CAMTA1: variants seen among roughly 807,000 people sequenced by gnomAD.
CAMTA1 encodes the protein calmodulin-binding transcription activator 1.
Under a neutral mutation model 170.9 loss-of-function variants are expected in CAMTA1, and 27 were observed. That is an observed-to-expected ratio of 0.16 (90% CI 0.12 to 0.22). CAMTA1 has a LOEUF of 0.22. Among genes scored for constraint, CAMTA1 ranks in the 10% least tolerant of loss-of-function variants. CAMTA1 has a pLI of 1.00. For missense variants in CAMTA1, 1,619 were observed against 2,217.2 expected, an observed-to-expected ratio of 0.73 and a Z score of 5.42; for synonymous variants, 833 against 891.5, an observed-to-expected ratio of 0.93 and a Z score of 1.17.
At chr1:7,506,265 A>C (rs904871112) in intron 6 of CAMTA1, among the ~76,000 whole-genome samples, 1 of 152,136 alleles carries the variant, frequency 6.6e-6, no homozygotes, top group East Asian at 1.9e-4. Context: ...ACTGAGTCCC[A>C]GGTGCCCCAG....
intron 7 of CAMTA1, among the ~76,000 whole-genome samples, chr1:7,653,005 C>T (rs368318550): frequency 1.3e-5 from 2 of 152,212 alleles, no homozygotes; most frequent in African/African-American, 2.4e-5. Flanking sequence ...TTAAAGATGT[C>T]ATCTCTAGAC....
intron 6 of CAMTA1, among the ~76,000 whole-genome samples, chr1:7,639,214 C>T (rs1438631014): frequency 3.3e-5 from 5 of 152,162 alleles, no homozygotes; most frequent in Non-Finnish European, 5.9e-5. Flanking sequence ...CTTCTGACCT[C>T]GTGATCCGCC....
chr1:6,799,955 T>C (rs1435636904), intron 1 of CAMTA1, among the ~76,000 whole-genome samples: 1 of 152,218 alleles, frequency 6.6e-6, no homozygotes, highest in African/African-American at 2.4e-5. Flanking sequence ...TATAACTGTA[T>C]CTTTTCCTTT....
At chr1:7,543,022 A>G (rs2094636706) in intron 6 of CAMTA1, among the ~76,000 whole-genome samples, 1 of 151,820 alleles carries the variant, frequency 6.6e-6, no homozygotes, top group Admixed American at 6.6e-5. Flanking sequence ...CCTCCACTAC[A>G]CCCGGCTAAT....
chr1:7,608,482 AG>A (rs1327620970), intron 6 of CAMTA1, among the ~76,000 whole-genome samples: 2 of 152,200 alleles, frequency 1.3e-5, no homozygotes, highest in East Asian at 3.9e-4. Context: ...GAGACAAAAA[AG>A]GCCTGAGAAA....
chr1:6,856,210 T>C (rs1028615524), intron 3 of CAMTA1, among the ~76,000 whole-genome samples: 2 of 151,166 alleles, frequency 1.3e-5, no homozygotes, highest in African/African-American at 4.9e-5. Flanking sequence ...CTGGACGCCA[T>C]ACAATTAACA....
intron 7 of CAMTA1, among the ~76,000 whole-genome samples, chr1:7,657,035 C>T (rs1005303263): frequency 2.6e-5 from 4 of 152,234 alleles, no homozygotes; most frequent in Admixed American, 1.3e-4. Flanking sequence ...ATGCAGTCCC[C>T]GGCCTGTGTT....
intron 5 of CAMTA1, among the ~76,000 whole-genome samples, chr1:7,254,692 A>G (rs1667104098): frequency 6.6e-6 from 1 of 152,234 alleles, no homozygotes. Context: ...CTCTTTTAAA[A>G]TAGGAATGAT....
intron 4 of CAMTA1, among the ~76,000 whole-genome samples, chr1:7,244,721 G>A (rs1665471077): frequency 6.6e-6 from 1 of 150,836 alleles, no homozygotes; most frequent in South Asian, 2.1e-4. Flanking sequence ...AAGGGGAACA[G>A]CACACACTGG....
intron 6 of CAMTA1, among the ~76,000 whole-genome samples, chr1:7,506,642 C>T (rs1172922081): frequency 6.6e-6 from 1 of 151,980 alleles, no homozygotes; most frequent in Non-Finnish European, 1.5e-5. Flanking sequence ...TTCACACTAA[C>T]ACCTCATGCT....
rs536396368 is a variant in CAMTA1 at position 7,331,279 on chromosome 1, G to A, written c.438+81653G>A. 3.3e-5 allele frequency among the ~76,000 whole-genome samples: 5 copies of A among 152,234 alleles called. No individual in the cohort carries two copies. The South Asian group carries it at 1.0e-3, about 32-fold the overall frequency. ...AAAACACCTCAGTGAGGTCCCCCAT[G>A]CCAGACTTTCAGAGGAGAGCGAGCC... On this transcript the variant is annotated intron_variant, in intron 5 of 22. Transcript: ENST00000303635.
chr1:7,025,644 G>C (rs147753469), intron 3 of CAMTA1, among the ~76,000 whole-genome samples: 33 of 152,278 alleles, frequency 2.2e-4, no homozygotes, highest in Non-Finnish European at 7.4e-5. Flanking sequence ...TCAAGGGTGT[G>C]GGGGGAGGCA....
chr1:7,234,756 C>T lies in CAMTA1; in HGVS notation c.303-14735C>T, dbSNP rs934027223. ...TTTATGTGAACAAACTGTGGCTTAA[C>T]GATCTTGGGAAATTGGAAAATACAA... On this transcript the variant is annotated intron_variant, in intron 4 of 22. Coordinates refer to ENST00000303635, the MANE Select transcript of CAMTA1 (RefSeq NM_015215.4). The surrounding 1 kb of genome is among the most constrained non-coding windows in gnomAD (Gnocchi z 5.0). Among the ~76,000 whole-genome samples, 5 of 150,366 alleles carry T rather than the reference C, an allele frequency of 3.3e-5. No individual in the cohort carries two copies. Among genetic ancestry groups the T allele is most frequent in the African/African-American group, 7.4e-5 (3 of 40,768 alleles).
intron 4 of CAMTA1, among the ~76,000 whole-genome samples, chr1:7,112,237 C>T (rs1453560647): frequency 6.6e-6 from 1 of 152,146 alleles, no homozygotes; most frequent in Non-Finnish European, 1.5e-5. Flanking sequence ...TCCTTCAAAC[C>T]CATTCTCTTA....
chr1:7,151,122 C>A (rs1646546661), intron 4 of CAMTA1, among the ~76,000 whole-genome samples: 1 of 152,248 alleles, frequency 6.6e-6, no homozygotes, highest in Non-Finnish European at 1.5e-5. Context: ...CACTAAGTAG[C>A]ACACGGTGCT....
intron 1 of CAMTA1, among the ~76,000 whole-genome samples, chr1:6,789,146 A>G (rs936014673): frequency 3.9e-5 from 6 of 152,164 alleles, no homozygotes; most frequent in African/African-American, 1.4e-4. Context: ...AAGTGTTGAC[A>G]TACACAGAGC....
intron 3 of CAMTA1, among the ~76,000 whole-genome samples, chr1:7,037,763 G>A (rs1383973314): frequency 1.3e-5 from 2 of 151,696 alleles, no homozygotes; most frequent in Non-Finnish European, 1.5e-5. Context: ...GCATGAACCC[G>A]GGAGGCGGAG....
At chr1:7,029,952 T>C (rs796542694) in intron 3 of CAMTA1, among the ~76,000 whole-genome samples, 3 of 152,376 alleles carry the variant, frequency 2.0e-5, no homozygotes, top group African/African-American at 7.2e-5. Context: ...TTTGGCTTAA[T>C]GAAAGACAAT....
chr1:7,614,606 T>C (rs1012228581), intron 6 of CAMTA1, among the ~76,000 whole-genome samples: 1 of 152,218 alleles, frequency 6.6e-6, no homozygotes, highest in African/African-American at 2.4e-5. Flanking sequence ...TCCCGCGTTA[T>C]TAACATTCCT....
Sources: allele counts gnomAD v4.1 joint callset (sites outside exome capture counted in the v4.1 genomes callset), GRCh38; gene constraint gnomAD v4.1.1; non-coding constraint Gnocchi (gnomAD v3.1); transcripts MANE v1.5; gene names NCBI Gene and HGNC (gene_info 2026-07-23, HGNC 2026-07-21).